ME1: variants seen among roughly 807,000 people sequenced by gnomAD.
ME1 encodes malic enzyme 1, also known as NADP-dependent malic enzyme.
Under a neutral mutation model 66.4 loss-of-function variants are expected in ME1, and 74 were observed. That is an observed-to-expected ratio of 1.11 (90% confidence interval 0.92 to 1.35). ME1 has a LOEUF of 1.35. Ranked by LOEUF, ME1 falls within the 40% of genes most tolerant of loss-of-function variation. The pLI is 0.00. For missense variants in ME1, 750 were observed against 694.1 expected (o/e 1.08, Z -0.90); for synonymous variants, 251 against 235.6 (o/e 1.07, Z -0.60).
At chr6:83,419,847 T>G (rs189988847) in intron 1 of ME1, among the ~76,000 whole-genome samples, 9 of 152,310 alleles carry the variant, frequency 5.9e-5, no homozygotes, top group African/African-American at 1.9e-4. Context: ...AACAGAATCC[T>G]AATATTATTT....
At chr6:83,263,220 G>T (rs1447114810) in intron 6 of ME1, among the ~76,000 whole-genome samples, 1 of 152,008 alleles carries the variant, frequency 6.6e-6, no homozygotes, top group African/African-American at 2.4e-5. Context: ...CCACTGACTG[G>T]CCACACCCAT....
At chr6:83,295,683 C>T (rs1767584376) in intron 6 of ME1, among the ~76,000 whole-genome samples, 1 of 151,926 alleles carries the variant, frequency 6.6e-6, no homozygotes, top group Non-Finnish European at 1.5e-5. Flanking sequence ...CAGAGCTGAA[C>T]TGAAGGAGAT....
chr6:83,393,568 C>T (rs1394544209), intron 3 of ME1, among the ~76,000 whole-genome samples: 2 of 148,982 alleles, frequency 1.3e-5, no homozygotes, highest in African/African-American at 5.0e-5. Flanking sequence ...GAGGGAGCCC[C>T]ACCTTTTCAT....
intron 6 of ME1, among the ~76,000 whole-genome samples, chr6:83,309,585 T>A (rs916950172): frequency 6.6e-5 from 10 of 152,264 alleles, no homozygotes; most frequent in African/African-American, 2.4e-4. Context: ...ATGCTATGTC[T>A]ATTACAGATC....
intron 6 of ME1, among the ~76,000 whole-genome samples, chr6:83,262,529 T>C (rs1184956220): frequency 6.6e-6 from 1 of 151,824 alleles, no homozygotes; most frequent in Admixed American, 6.6e-5. Flanking sequence ...CTGTGACTTT[T>C]TCTCCATTTA....
At chr6:83,234,770 A>T (rs1042705839) in intron 9 of ME1, among the ~76,000 whole-genome samples, 1 of 126,098 alleles carries the variant, frequency 7.9e-6, no homozygotes, top group Non-Finnish European at 1.8e-5. Flanking sequence ...CCCCCTGCAC[A>T]GGTTTGTTTA....
intron 6 of ME1, among the ~76,000 whole-genome samples, chr6:83,254,540 T>A (rs527457416): frequency 6.6e-6 from 1 of 152,308 alleles, no homozygotes; most frequent in African/African-American, 2.4e-5. Context: ...TTTACAAACC[T>A]TTTATTCTCC....
At chr6:83,396,126 G>A (rs1297336737) in intron 3 of ME1, among the ~76,000 whole-genome samples, 6 of 152,084 alleles carry the variant, frequency 3.9e-5, no homozygotes, top group Admixed American at 3.9e-4. Context: ...CATTTTGGGA[G>A]GCTGAGGCGG....
At chr6:83,318,046 T>C (rs1310702234) in intron 5 of ME1, among the ~76,000 whole-genome samples, 1 of 152,000 alleles carries the variant, frequency 6.6e-6, no homozygotes, top group African/African-American at 2.4e-5. Flanking sequence ...AAACAAGAAA[T>C]GGGGAAAGGA....
At chr6:83,275,695 G>C (rs1767166382) in intron 6 of ME1, among the ~76,000 whole-genome samples, 1 of 145,136 alleles carries the variant, frequency 6.9e-6, no homozygotes, top group Non-Finnish European at 1.5e-5. Context: ...TCGATCTCCT[G>C]ACCTCGTGAT....
At chr6:83,215,460 A>C (rs116963489) in intron 13 of ME1, among the ~76,000 whole-genome samples, 1,777 of 152,330 alleles carry the variant, frequency 0.012, 19 homozygotes, top group South Asian at 0.025. Flanking sequence ...ACATATAACT[A>C]CTGTCATGGC....
chr6:83,370,543 G>A (rs143219539), intron 3 of ME1, among the ~76,000 whole-genome samples: 8 of 152,210 alleles, frequency 5.3e-5, no homozygotes, highest in African/African-American at 1.7e-4. Flanking sequence ...AACTGCATAA[G>A]TACCAAAGGC....
chr6:83,323,902 C>T (rs1368975306), intron 5 of ME1, among the ~76,000 whole-genome samples: 1 of 152,080 alleles, frequency 6.6e-6, no homozygotes, highest in Non-Finnish European at 1.5e-5. Context: ...TAGCACCACA[C>T]AGCACTTATT....
At chr6:83,354,753 C>CT (rs1768858928) in intron 3 of ME1, among the ~76,000 whole-genome samples, 1 of 152,196 alleles carries the variant, frequency 6.6e-6, no homozygotes, top group Admixed American at 6.5e-5. Flanking sequence ...CAGCAAGGTG[C>CT]TTAAGTACAA....
chr6:83,324,231 A>AG (rs1768237971), intron 5 of ME1, among the ~76,000 whole-genome samples: 2 of 151,902 alleles, frequency 1.3e-5, no homozygotes. Flanking sequence ...CACAGGAGAA[A>AG]GGGGGAAAGA....
At position 83,305,743 on chromosome 6, in the gene ME1, T is replaced by A. The variant is rs189809145; in HGVS notation, c.704+9567A>T. Among the ~76,000 whole-genome samples, 26 of 152,276 alleles carry A rather than the reference T, an allele frequency of 1.7e-4. 1 individual carries two copies. Among genetic ancestry groups the A allele is most frequent in the African/African-American group, 5.8e-4 (24 of 41,556 alleles). ...ATACTAATGTTAGGTCCAGATACGA[T>A]ATTAGTTGCAATTAGGGTTTCAATT... On this transcript the variant is annotated intron_variant, in intron 6 of 13. Coordinates refer to ENST00000369705, the MANE Select transcript of ME1 (RefSeq NM_002395.6).
intron 3 of ME1, among the ~76,000 whole-genome samples, chr6:83,387,332 T>C (rs1769528226): frequency 6.6e-6 from 1 of 152,130 alleles, no homozygotes; most frequent in Admixed American, 6.6e-5. Flanking sequence ...GAGAACATTT[T>C]TGGTTAAAGG....
intron 7 of ME1, among the ~76,000 whole-genome samples, chr6:83,251,922 T>A (rs1247779326): frequency 2.0e-5 from 3 of 152,144 alleles, no homozygotes; most frequent in African/African-American, 7.2e-5. Context: ...CACAAAAGCC[T>A]GAGCACTTAG....
In ME1 at chr6:83,267,583, A is replaced by G. The variant is rs139527519; in HGVS notation, c.705-13845T>C. 5.4e-4 allele frequency among the ~76,000 whole-genome samples: 82 copies of G among 152,312 alleles called. No homozygotes were observed. The East Asian group carries it at 0.015, about 28-fold the overall frequency. ...TATGTCTCTTAAGGAGGCATACATG[A>G]CAAGATGTATAAACTTTGCATTTTC... On this transcript the variant is annotated intron_variant, in intron 6 of 13. Coordinates refer to ENST00000369705, the MANE Select transcript of ME1 (RefSeq NM_002395.6).
Sources: allele counts gnomAD v4.1 joint callset (sites outside exome capture counted in the v4.1 genomes callset), GRCh38; gene constraint gnomAD v4.1.1; transcripts MANE v1.5; gene names NCBI Gene and HGNC (gene_info 2026-07-23, HGNC 2026-07-21).